Variants in LMF1 observed in about 807,000 individuals in gnomAD.
LMF1 encodes lipase maturation factor 1, also known as transmembrane protein 112.
In LMF1, 68 loss-of-function variants were observed where a neutral mutation model predicts 60.6. The observed-to-expected ratio is 1.12, with a 90% confidence interval of 0.92 to 1.37. The LOEUF (loss-of-function observed/expected upper bound fraction) is 1.37. Among genes scored for constraint, LMF1 ranks in the 40% most tolerant of loss-of-function variants. The pLI, the probability that LMF1 is intolerant of heterozygous loss-of-function variation, is 0.00. For missense variants in LMF1, 948 were observed against 767.2 expected (o/e 1.24, Z -2.78); for synonymous variants, 418 against 324.7 (o/e 1.29, Z -3.09).
At chr16:869,527 C>T (rs1426290032) in intron 9 of LMF1, 16 of 565,266 alleles carry the variant, frequency 2.8e-5, no homozygotes, top group East Asian at 1.7e-4. Flanking sequence ...TGGGCTCAAT[C>T]GATCCTTCCT....
At chr16:939,496 G>A (rs1474675493) in intron 2 of LMF1, among the ~76,000 whole-genome samples, 2 of 152,268 alleles carry the variant, frequency 1.3e-5, no homozygotes, top group African/African-American at 4.8e-5. Context: ...CCACCCTGTG[G>A]CCACCACACG....
intron 1 of LMF1, chr16:976,629 C>G (rs78985167): frequency 4.4e-6 from 2 of 454,048 alleles, no homozygotes; most frequent in South Asian, 3.1e-5. Context: ...AGAGCAAATG[C>G]GTGCTGTTGG....
intron 3 of LMF1, among the ~76,000 whole-genome samples, chr16:913,762 A>C (rs1378327543): frequency 1.4e-4 from 21 of 152,194 alleles, no homozygotes; most frequent in Non-Finnish European, 2.9e-4. Context: ...GCCTTGCTGG[A>C]GACAGTTTAG....
At position 962,417 on chromosome 16, in the gene LMF1, T is replaced by A. The variant is rs1286067670; in HGVS notation, c.194-7751A>T. ...TTCAGGAGGCGGGGGCTGGACCCAG[T>A]GAGCGGCTTCCAGAGGACAGAGCGG... On this transcript the variant is annotated intron_variant, in intron 1 of 10. Transcript: ENST00000262301. This position sits in a 1 kb window ranked among gnomAD's most constrained non-coding sequence, Gnocchi z 4.5. Among the ~76,000 whole-genome samples the A allele has an allele frequency of 6.6e-6, 1 of 152,160 alleles. No homozygotes were observed. Among genetic ancestry groups the A allele is most frequent in the African/African-American group, 2.4e-5 (1 of 41,412 alleles).
chr16:863,734 C>T (rs536587470), intron 10 of LMF1, among the ~76,000 whole-genome samples: 1 of 152,172 alleles, frequency 6.6e-6, no homozygotes, highest in Non-Finnish European at 1.5e-5. Context: ...CCTGGGTTCA[C>T]ACAGTCCTCC....
rs139588267 is a variant in LMF1, at chr16:856,590, G to C, written c.1530-1884C>G. On this transcript the variant is annotated intron_variant, in intron 10 of 10. Coordinates refer to ENST00000262301, the MANE Select transcript of LMF1 (RefSeq NM_022773.4). ...TTGCTTTCTGCTCCTTCCCAGGACA[G>C]GGTCAAGGCCTAGGGGGCCCAGGGC... 4.2e-3 allele frequency among the ~76,000 whole-genome samples: 638 copies of C among 152,356 alleles called. 2 individuals are homozygous for C. The highest frequency in any genetic ancestry group is 6.8e-3 in the Middle Eastern group (2 of 294).
chr16:888,285 T>G (rs2070371785), intron 5 of LMF1, among the ~76,000 whole-genome samples: 1 of 152,184 alleles, frequency 6.6e-6, no homozygotes, highest in Non-Finnish European at 1.5e-5. Context: ...GAAAGGGGTG[T>G]GGAAGGAGCG....
chr16:941,872 T>C (rs2164340), intron 2 of LMF1, among the ~76,000 whole-genome samples: 72,388 of 152,058 alleles, frequency 0.48, 18,884 homozygotes, highest in African/African-American at 0.69. Context: ...CCCTCCTTTG[T>C]GCTAATGTTG....
intron 2 of LMF1, among the ~76,000 whole-genome samples, chr16:942,574 CAT>C (rs1456657916): frequency 4.7e-5 from 6 of 127,356 alleles, no homozygotes; most frequent in Admixed American, 8.2e-5. Context: ...TCCAATCACA[CAT>C]ATGTTAGCCC....
intron 6 of LMF1, among the ~76,000 whole-genome samples, chr16:875,994 G>A (rs577012882): frequency 6.8e-6 from 1 of 147,322 alleles, no homozygotes; most frequent in South Asian, 2.1e-4. Flanking sequence ...CATTCAGGCT[G>A]GACACCCCTC....
intron 5 of LMF1, among the ~76,000 whole-genome samples, chr16:886,328 C>G (rs1311270096): frequency 6.6e-6 from 1 of 152,176 alleles, no homozygotes; most frequent in African/African-American, 2.4e-5. Context: ...CCCTGTCTCC[C>G]CCAGCCACGG....
rs930020534 is a variant in LMF1 at position 896,686 on chromosome 16, C to T, written c.664-3614G>A. Reference sequence around the variant, plus strand: ...CTCCACCGGGCAGGGGCACAACCACCGCCACTGCTCCCCCCGCATGAGCAC... The same window carrying T: ...CTCCACCGGGCAGGGGCACAACCACTGCCACTGCTCCCCCCGCATGAGCAC... On this transcript the variant is annotated intron_variant, in intron 4 of 10. Coordinates refer to ENST00000262301, the MANE Select transcript of LMF1 (RefSeq NM_022773.4). 5.9e-5 allele frequency among the ~76,000 whole-genome samples: 9 copies of T among 152,188 alleles called. No homozygotes were observed. The East Asian group carries it at 7.7e-4, about 13-fold the overall frequency.
At chr16:970,400 C>A (rs1251457732) in intron 1 of LMF1, among the ~76,000 whole-genome samples, 5 of 151,980 alleles carry the variant, frequency 3.3e-5, no homozygotes, top group African/African-American at 9.7e-5. Flanking sequence ...AGGACGCAGA[C>A]CCCCGACCTG....
At chr16:869,771 A>T in intron 9 of LMF1, 112 bp downstream of exon 9, 1 of 1,131,954 alleles carries the variant, frequency 8.8e-7, no homozygotes, top group Non-Finnish European at 1.3e-6. Flanking sequence ...CATCTCTCCC[A>T]GCCTCCCTCC....
chr16:930,982 G>A (rs2071765212), intron 3 of LMF1, among the ~76,000 whole-genome samples: 1 of 151,914 alleles, frequency 6.6e-6, no homozygotes, highest in South Asian at 2.1e-4. Flanking sequence ...TTAGCCGGGC[G>A]TGGTGGCGGG....
intron 4 of LMF1, chr16:903,887 G>A (rs4984715): frequency 0.035 from 2,953 of 83,248 alleles, 246 homozygotes; most frequent in African/African-American, 0.12. Flanking sequence ...CCTCTGCATC[G>A]CCCACAGGAC....
chr16:860,913 C>T (rs1418996184), intron 10 of LMF1, among the ~76,000 whole-genome samples: 2 of 152,114 alleles, frequency 1.3e-5, no homozygotes, highest in Admixed American at 6.6e-5. Flanking sequence ...TTGATTCGTT[C>T]CACCTTGTTC....
chr16:901,791 G>A (rs2070818717), intron 4 of LMF1: 1 of 152,340 alleles, frequency 6.6e-6, no homozygotes, highest in Admixed American at 6.5e-5. Context: ...CTTGAGGCAA[G>A]GAAGGTGGAG....
At chr16:889,540 TC>T (rs1415121271) in intron 5 of LMF1, among the ~76,000 whole-genome samples, 1 of 152,130 alleles carries the variant, frequency 6.6e-6, no homozygotes, top group East Asian at 1.9e-4. Flanking sequence ...TGCTGAAACT[TC>T]CGGAGGTTTT....
Sources: gnomAD v4.1 joint callset for allele counts (sites outside exome capture counted in the v4.1 genomes callset) on GRCh38, gnomAD v4.1.1 for gene constraint, Gnocchi (gnomAD v3.1) non-coding constraint, MANE v1.5 for transcripts, NCBI Gene and HGNC (gene_info 2026-07-23, HGNC 2026-07-21) for gene names.